Variants in CDK17 observed in about 807,000 individuals in gnomAD.
CDK17 encodes cyclin-dependent kinase 17.
CDK17 carries 24 observed loss-of-function variants against 77.6 expected under a neutral mutation model. That is an observed-to-expected ratio of 0.31 (90% CI 0.22 to 0.44). CDK17 has a LOEUF of 0.44. CDK17 is among the 20% of genes least tolerant of loss of function. CDK17 has a pLI of 1.00. For missense variants in CDK17, 429 were observed against 622.5 expected, an observed-to-expected ratio of 0.69 and a Z score of 3.31; for synonymous variants, 203 against 210.4, an observed-to-expected ratio of 0.96 and a Z score of 0.30.
intron 1 of CDK17, among the ~76,000 whole-genome samples, chr12:96,395,654 TGTTGAA>T (rs1465922783): frequency 6.6e-6 from 1 of 152,200 alleles, no homozygotes; most frequent in Non-Finnish European, 1.5e-5. Flanking sequence ...AAAATTCACA[TGTTGAA>T]GTCCAAACCT....
At chr12:96,348,004 A>G (rs1953250170) in intron 1 of CDK17, among the ~76,000 whole-genome samples, 1 of 152,206 alleles carries the variant, frequency 6.6e-6, no homozygotes, top group Admixed American at 6.5e-5. Context: ...ATGCAAATGA[A>G]AACAAAAACA....
At chr12:96,372,430 G>C (rs774540039) in intron 1 of CDK17, among the ~76,000 whole-genome samples, 114 of 151,968 alleles carry the variant, frequency 7.5e-4, no homozygotes, top group Admixed American at 9.2e-4. Context: ...TTGTGATTTG[G>C]TGAGGGGTGG....
chr12:96,367,787 C>G lies in CDK17; in HGVS notation c.-30+32199G>C, dbSNP rs558338902. Among the ~76,000 whole-genome samples the G allele has an allele frequency of 5.4e-4, 81 of 150,692 alleles. 1 individual carries two copies. The highest frequency in any genetic ancestry group is 6.9e-3 in the Middle Eastern group (2 of 290). ...ATCCCAGCACTTTGGGAGGCCAAAG[C>G]AGGAGGATCACTTGAGCCCAGAGTT... On this transcript the variant is annotated intron_variant, in intron 1 of 16. Coordinates refer to ENST00000261211, the MANE Select transcript of CDK17 (RefSeq NM_002595.5).
intron 9 of CDK17, among the ~76,000 whole-genome samples, chr12:96,296,987 A>C (rs1952416012): frequency 6.6e-6 from 1 of 152,112 alleles, no homozygotes; most frequent in South Asian, 2.1e-4. Flanking sequence ...TTTTTTTTTA[A>C]AGCAGAATAC....
intron 1 of CDK17, among the ~76,000 whole-genome samples, chr12:96,375,184 G>T (rs542526440): frequency 6.6e-6 from 1 of 152,156 alleles, no homozygotes; most frequent in Non-Finnish European, 1.5e-5. Flanking sequence ...CTTTCAGGTA[G>T]AAATTTCCTG....
chr12:96,280,318 C>T (rs1952159034), intron 16 of CDK17, 39 bp from the exon 17 acceptor site: 4 of 1,546,400 alleles, frequency 2.6e-6, no homozygotes, highest in Non-Finnish European at 3.5e-6. Flanking sequence ...GTTCAAGGTT[C>T]AGTTTTATCC....
intron 3 of CDK17, among the ~76,000 whole-genome samples, chr12:96,316,389 G>A (rs189657040): frequency 6.7e-5 from 10 of 149,854 alleles, no homozygotes; most frequent in Non-Finnish European, 1.3e-4. Flanking sequence ...AGGGGCGCCC[G>A]CCATTGCCCA....
intron 1 of CDK17, among the ~76,000 whole-genome samples, chr12:96,360,324 T>C (rs41403749): frequency 0.054 from 8,203 of 152,218 alleles, 288 homozygotes; most frequent in East Asian, 0.13. Context: ...TCTTGATAGA[T>C]GGATTTACAT....
chr12:96,304,896 A>G (rs940120750), intron 5 of CDK17, among the ~76,000 whole-genome samples: 1 of 152,226 alleles, frequency 6.6e-6, no homozygotes, highest in Non-Finnish European at 1.5e-5. Flanking sequence ...AGAAAGGTCT[A>G]TATAGTCTAT....
intron 3 of CDK17, among the ~76,000 whole-genome samples, chr12:96,313,740 A>G (rs1369695202): frequency 6.6e-6 from 1 of 152,220 alleles, no homozygotes; most frequent in Non-Finnish European, 1.5e-5. Flanking sequence ...ATCTCTGAGA[A>G]TGAGCCAGTT....
intron 9 of CDK17, among the ~76,000 whole-genome samples, chr12:96,297,033 G>A (rs1436923486): frequency 6.6e-6 from 1 of 151,982 alleles, no homozygotes; most frequent in African/African-American, 2.4e-5. Context: ...ACAATCAGTT[G>A]TAATGTGAAA....
intron 15 of CDK17, 46 bp downstream of exon 15, chr12:96,282,463 G>T: frequency 1.5e-6 from 2 of 1,301,532 alleles, no homozygotes; most frequent in Non-Finnish European, 2.2e-6. Context: ...CCTAACCTTG[G>T]ACAAATAAAA....
At chr12:96,389,397 T>C (rs569378207) in intron 1 of CDK17, among the ~76,000 whole-genome samples, 1 of 152,278 alleles carries the variant, frequency 6.6e-6, no homozygotes, top group East Asian at 1.9e-4. Flanking sequence ...GAAACCTAAG[T>C]TGCAGATCTT....
At chr12:96,301,336 G>A (rs1952501448) in intron 5 of CDK17, among the ~76,000 whole-genome samples, 2 of 151,102 alleles carry the variant, frequency 1.3e-5, no homozygotes, top group African/African-American at 2.4e-5. Flanking sequence ...ACTTGAGCTC[G>A]CCTGACTATT....
intron 1 of CDK17, among the ~76,000 whole-genome samples, chr12:96,341,441 C>T (rs759862977): frequency 1.1e-4 from 17 of 151,976 alleles, no homozygotes; most frequent in East Asian, 1.9e-4. Context: ...AAATTTAAAA[C>T]GGTAAAAGGG....
At chr12:96,328,778 C>A (rs2137133482) in intron 2 of CDK17, among the ~76,000 whole-genome samples, 1 of 152,140 alleles carries the variant, frequency 6.6e-6, no homozygotes, top group South Asian at 2.1e-4. Flanking sequence ...AGATGAAGAT[C>A]CTAACTGGAG....
intron 10 of CDK17, among the ~76,000 whole-genome samples, chr12:96,290,550 G>C (rs1249078594): frequency 6.6e-6 from 1 of 152,112 alleles, no homozygotes; most frequent in African/African-American, 2.4e-5. Context: ...GTTATAACTG[G>C]AACAATGTTG....
intron 9 of CDK17, 59 bp downstream of exon 9, chr12:96,297,211 A>G (rs1174739509): frequency 4.7e-6 from 5 of 1,053,378 alleles, no homozygotes; most frequent in Non-Finnish European, 7.2e-6. Context: ...ATTTCATTAT[A>G]TAATGGTTCA....
intron 13 of CDK17, among the ~76,000 whole-genome samples, chr12:96,284,187 GT>G (rs1426464845): frequency 1.3e-5 from 2 of 152,220 alleles, no homozygotes; most frequent in East Asian, 3.9e-4. Flanking sequence ...TTCATCAATG[GT>G]GGCCAGGTGC....
Sources: gnomAD v4.1 joint callset for allele counts (sites outside exome capture counted in the v4.1 genomes callset) on GRCh38, gnomAD v4.1.1 for gene constraint, MANE v1.5 for transcripts, NCBI Gene and HGNC (gene_info 2026-07-23, HGNC 2026-07-21) for gene names.